Variants in LEF1 observed in about 807,000 individuals in gnomAD.
LEF1 encodes lymphoid enhancer binding factor 1.
Under a neutral mutation model 51.2 loss-of-function variants are expected in LEF1, and 14 were observed. That is an observed-to-expected ratio of 0.27 (90% CI 0.18 to 0.43). The LOEUF (loss-of-function observed/expected upper bound fraction) is 0.43, where lower values mean the gene tolerates loss of function less well. Ranked by LOEUF, LEF1 falls within the 20% of genes least tolerant of loss-of-function variation. The pLI is 1.00. For synonymous variants in LEF1, 185 were observed against 183.2 expected (o/e 1.01, Z -0.08); for missense variants, 386 against 512.0 (o/e 0.75, Z 2.37).
At chr4:108,122,233 G>C (rs765342599) in intron 3 of LEF1, among the ~76,000 whole-genome samples, 33 of 152,126 alleles carry the variant, frequency 2.2e-4, no homozygotes, top group Admixed American at 4.6e-4. Flanking sequence ...ATTTGTCTTT[G>C]TGGTTCTGGT....
chr4:108,076,010 C>T (rs1473868100), intron 8 of LEF1, among the ~76,000 whole-genome samples: 1 of 97,844 alleles, frequency 1.0e-5, no homozygotes, highest in African/African-American at 3.2e-5. Flanking sequence ...CCCCCAAAGG[C>T]CTTGCTGTAG....
At chr4:108,060,607 C>A (rs1737616901) in intron 11 of LEF1, among the ~76,000 whole-genome samples, 1 of 152,036 alleles carries the variant, frequency 6.6e-6, no homozygotes, top group Non-Finnish European at 1.5e-5. Flanking sequence ...AACAGAAGAC[C>A]CCCTCCATTT....
intron 1 of LEF1, chr4:108,165,380 A>C: frequency 2.0e-6 from 1 of 510,688 alleles, no homozygotes; most frequent in Non-Finnish European, 3.5e-6. Flanking sequence ...GGGACCAAAA[A>C]CGTATAAATA....
chr4:108,064,670 C>T (rs1054380285), intron 9 of LEF1, among the ~76,000 whole-genome samples: 4 of 60,994 alleles, frequency 6.6e-5, no homozygotes, highest in Non-Finnish European at 2.0e-4. Flanking sequence ...CACACACACA[C>T]ACACACACAC....
chr4:108,056,915 A>AC (rs1737342661), intron 11 of LEF1, among the ~76,000 whole-genome samples: 1 of 152,006 alleles, frequency 6.6e-6, no homozygotes, highest in African/African-American at 2.4e-5. Flanking sequence ...TCAAAAAAAA[A>AC]AAAAAAAAAC....
intron 3 of LEF1, among the ~76,000 whole-genome samples, chr4:108,095,346 G>A (rs1740311884): frequency 6.6e-6 from 1 of 152,230 alleles, no homozygotes; most frequent in African/African-American, 2.4e-5. Context: ...GTCCATGTAA[G>A]TGGGTATTAT....
At chr4:108,064,465 G>T in intron 9 of LEF1, 81 bp from the exon 10 acceptor site, 1 of 1,059,804 alleles carries the variant, frequency 9.4e-7, no homozygotes, top group Non-Finnish European at 1.4e-6. Flanking sequence ...GTACAGGCAG[G>T]TGGTCAACAA....
intron 3 of LEF1, among the ~76,000 whole-genome samples, chr4:108,126,893 GTA>G (rs572666405): frequency 0.029 from 4,248 of 146,204 alleles, 81 homozygotes; most frequent in Middle Eastern, 0.083. Flanking sequence ...GTGTGTGTGT[GTA>G]GCTCTATTTT....
intron 3 of LEF1, among the ~76,000 whole-genome samples, chr4:108,093,287 C>A (rs1050944189): frequency 4.6e-5 from 7 of 152,096 alleles, no homozygotes; most frequent in Non-Finnish European, 8.8e-5. Context: ...TAGAAAAGTT[C>A]GATCCTTTTG....
intron 3 of LEF1, among the ~76,000 whole-genome samples, chr4:108,097,100 A>G (rs1351784113): frequency 6.6e-6 from 1 of 152,226 alleles, no homozygotes. Context: ...TATACTCAAA[A>G]GAAAGGAAAT....
intron 3 of LEF1, among the ~76,000 whole-genome samples, chr4:108,126,487 T>A (rs953606811): frequency 6.6e-6 from 1 of 152,188 alleles, no homozygotes; most frequent in Non-Finnish European, 1.5e-5. Flanking sequence ...CTGATTTTTT[T>A]ATTCTTTTTT....
chr4:108,064,460 G>T, intron 9 of LEF1, 76 bp from the exon 10 acceptor site: 1 of 1,112,840 alleles, frequency 9.0e-7, no homozygotes. Flanking sequence ...TGGAAGTACA[G>T]GCAGGTGGTC....
intron 3 of LEF1, among the ~76,000 whole-genome samples, chr4:108,126,869 ATG>A (rs34301406): frequency 0.39 from 57,527 of 146,156 alleles, 12,326 homozygotes; most frequent in Middle Eastern, 0.51. Flanking sequence ...ATTTACTGAT[ATG>A]TGTGTGTGTG....
chr4:108,144,979 C>T (rs938650425), intron 3 of LEF1, among the ~76,000 whole-genome samples: 1 of 150,688 alleles, frequency 6.6e-6, no homozygotes, highest in African/African-American at 2.4e-5. Context: ...TCAGAAGTAT[C>T]TTATCGGAAC....
intron 9 of LEF1, among the ~76,000 whole-genome samples, chr4:108,064,979 G>A (rs920291381): frequency 2.0e-5 from 3 of 152,058 alleles, no homozygotes; most frequent in Admixed American, 6.6e-5. Context: ...AAGGAGAAAG[G>A]GAGAAGAGAG....
intron 3 of LEF1, among the ~76,000 whole-genome samples, chr4:108,135,453 G>C (rs1385648356): frequency 6.6e-6 from 1 of 152,198 alleles, no homozygotes; most frequent in East Asian, 1.9e-4. Flanking sequence ...AATACAGATG[G>C]AGATGTGCTT....
chr4:108,070,803 AG>A, intron 8 of LEF1, 33 bp from the exon 9 acceptor site: 1 of 1,432,480 alleles, frequency 7.0e-7, no homozygotes, highest in Non-Finnish European at 9.8e-7. Flanking sequence ...AAAAAACAAA[AG>A]TAAGCAAAAT....
intron 8 of LEF1, among the ~76,000 whole-genome samples, chr4:108,071,354 G>A (rs1216981781): frequency 2.0e-5 from 3 of 152,106 alleles, no homozygotes; most frequent in East Asian, 1.9e-4. Flanking sequence ...TCATATAGAC[G>A]CTGTCTATAG....
At chr4:108,138,069 A>T (rs1743411211) in intron 3 of LEF1, among the ~76,000 whole-genome samples, 3 of 152,162 alleles carry the variant, frequency 2.0e-5, no homozygotes, top group African/African-American at 7.2e-5. Context: ...GACCCCAACA[A>T]AATCTCCTAT....
Sources: allele counts gnomAD v4.1 joint callset (sites outside exome capture counted in the v4.1 genomes callset), GRCh38; gene constraint gnomAD v4.1.1; transcripts MANE v1.5; gene names NCBI Gene and HGNC (gene_info 2026-07-23, HGNC 2026-07-21).